SLIT3: variants seen among roughly 807,000 people sequenced by gnomAD.
SLIT3 encodes slit homolog 3 protein.
A neutral mutation model predicts 184.0 loss-of-function variants in SLIT3; 68 were observed. The observed-to-expected ratio is 0.37, with a 90% CI of 0.30 to 0.45. The LOEUF (loss-of-function observed/expected upper bound fraction) is 0.45. Among genes scored for constraint, SLIT3 ranks in the 20% least tolerant of loss-of-function variants. The pLI is 1.00. For synonymous variants in SLIT3, 831 were observed against 828.6 expected (o/e 1.00, Z -0.05); for missense variants, 1,707 against 2,026.0 (o/e 0.84, Z 3.02).
chr5:169,125,574 C>G (rs368978006), intron 4 of SLIT3, among the ~76,000 whole-genome samples: 2 of 152,172 alleles, frequency 1.3e-5, no homozygotes, highest in Non-Finnish European at 2.9e-5. Flanking sequence ...CGGCCTTCAC[C>G]GTGAGGGAGG....
intron 5 of SLIT3, among the ~76,000 whole-genome samples, chr5:168,870,227 T>G (rs1249578350): frequency 1.3e-5 from 2 of 152,130 alleles, no homozygotes; most frequent in African/African-American, 4.8e-5. Flanking sequence ...TTCACATGAG[T>G]CTCTAATAAT....
intron 9 of SLIT3, among the ~76,000 whole-genome samples, chr5:168,803,334 T>C (rs114024315): frequency 1.1e-4 from 17 of 152,344 alleles, no homozygotes; most frequent in African/African-American, 4.1e-4. Context: ...TAGAAAAATA[T>C]CACATTGTTC....
intron 4 of SLIT3, among the ~76,000 whole-genome samples, chr5:169,187,914 C>T (rs909349390): frequency 5.3e-5 from 8 of 151,824 alleles, no homozygotes; most frequent in African/African-American, 1.7e-4. Flanking sequence ...TCACCACTCA[C>T]CCTCCGCCCT....
chr5:168,820,384 C>T (rs1363935277), intron 7 of SLIT3, among the ~76,000 whole-genome samples: 1 of 152,152 alleles, frequency 6.6e-6, no homozygotes, highest in East Asian at 1.9e-4. Context: ...CTGACTTTGA[C>T]TTCGGGTGGC....
At chr5:169,186,087 A>G (rs532420756) in intron 4 of SLIT3, among the ~76,000 whole-genome samples, 2 of 152,318 alleles carry the variant, frequency 1.3e-5, no homozygotes, top group South Asian at 4.1e-4. Flanking sequence ...ACATTTGGGA[A>G]CTGATTAAGG....
chr5:169,110,683 A>G (rs901487254), intron 4 of SLIT3, among the ~76,000 whole-genome samples: 8 of 152,114 alleles, frequency 5.3e-5, no homozygotes, highest in African/African-American at 1.9e-4. Context: ...GGAGGTTAGG[A>G]CTTCAGTGTC....
chr5:169,237,948 G>T (rs1469013647), intron 3 of SLIT3, among the ~76,000 whole-genome samples: 3 of 152,086 alleles, frequency 2.0e-5, no homozygotes, highest in African/African-American at 7.2e-5. Flanking sequence ...TTCTGTATCA[G>T]CACCACTTGT....
intron 4 of SLIT3, among the ~76,000 whole-genome samples, chr5:168,979,127 A>G (rs1754865075): frequency 6.6e-6 from 1 of 152,228 alleles, no homozygotes; most frequent in African/African-American, 2.4e-5. Flanking sequence ...CATCCTGGGA[A>G]AACTGGACTC....
chr5:168,791,396 G>A (rs1201175508), intron 10 of SLIT3: 5 of 152,278 alleles, frequency 3.3e-5, no homozygotes, highest in African/African-American at 7.2e-5. Flanking sequence ...ACGGTTTGGA[G>A]GTGCTGGAGA....
At chr5:169,020,108 G>T (rs1477663172) in intron 4 of SLIT3, among the ~76,000 whole-genome samples, 2 of 151,222 alleles carry the variant, frequency 1.3e-5, no homozygotes, top group Non-Finnish European at 1.5e-5. Context: ...TCATGGCAGA[G>T]GTGAGTGGTT....
At chr5:168,695,564 T>C (rs11741109) in intron 28 of SLIT3, among the ~76,000 whole-genome samples, 22,411 of 152,260 alleles carry the variant, frequency 0.15, 2,287 homozygotes, top group Non-Finnish European at 0.22. Context: ...GTTGATCTCA[T>C]AACAAAGCGG....
At chr5:168,943,972 C>T (rs1392305457) in intron 4 of SLIT3, among the ~76,000 whole-genome samples, 1 of 152,154 alleles carries the variant, frequency 6.6e-6, no homozygotes, top group South Asian at 2.1e-4. Flanking sequence ...ATTCAATAAA[C>T]AAAGCCATTC....
intron 5 of SLIT3, among the ~76,000 whole-genome samples, chr5:168,872,947 C>T (rs1479311079): frequency 6.6e-6 from 1 of 152,112 alleles, no homozygotes; most frequent in Non-Finnish European, 1.5e-5. Context: ...GCCAAAAGTT[C>T]ATACTTTCAG....
chr5:169,149,141 C>T (rs1762031685), intron 4 of SLIT3, among the ~76,000 whole-genome samples: 1 of 152,164 alleles, frequency 6.6e-6, no homozygotes, highest in South Asian at 2.1e-4. Flanking sequence ...TCTCCTAAAA[C>T]AGAAGAAACA....
intron 4 of SLIT3, among the ~76,000 whole-genome samples, chr5:169,150,516 T>TACACACACACACAC (rs58010997): frequency 6.9e-6 from 1 of 145,364 alleles, no homozygotes; most frequent in Non-Finnish European, 1.5e-5. Flanking sequence ...TTCACTCACA[T>TACACACACACACAC]ACACACACAC....
chr5:168,869,497 C>T (rs1212410637), intron 5 of SLIT3, among the ~76,000 whole-genome samples: 2 of 152,110 alleles, frequency 1.3e-5, no homozygotes, highest in Non-Finnish European at 2.9e-5. Flanking sequence ...AAGCTTATTG[C>T]CTACTAAGAA....
chr5:169,291,986 C>A (rs1767372836), intron 1 of SLIT3, among the ~76,000 whole-genome samples: 1 of 152,188 alleles, frequency 6.6e-6, no homozygotes, highest in African/African-American at 2.4e-5. Context: ...GTGCCAGGCA[C>A]AAAGAAAGGC....
chr5:168,907,165 T>A (rs971671166), intron 4 of SLIT3, among the ~76,000 whole-genome samples: 7 of 151,604 alleles, frequency 4.6e-5, no homozygotes, highest in African/African-American at 1.5e-4. Context: ...CCAGCTGGGA[T>A]TTTTTTATAC....
chr5:168,896,681 C>T (rs769208411), intron 4 of SLIT3, among the ~76,000 whole-genome samples: 2 of 152,226 alleles, frequency 1.3e-5, no homozygotes, highest in African/African-American at 4.8e-5. Flanking sequence ...CTCCCAGCCC[C>T]TACGAGGCTG....
Sources: allele counts gnomAD v4.1 joint callset (sites outside exome capture counted in the v4.1 genomes callset), GRCh38; gene constraint gnomAD v4.1.1; transcripts MANE v1.5; gene names NCBI Gene and HGNC (gene_info 2026-07-23, HGNC 2026-07-21).